The following ADAMTS3 variants were observed in gnomAD, a reference collection of about 807,000 sequenced individuals.
ADAMTS3 encodes the protein A disintegrin and metalloproteinase with thrombospondin motifs 3.
ADAMTS3 carries 73 observed loss-of-function variants against 129.0 expected under a neutral mutation model. The ratio of observed to expected loss-of-function variants is 0.57; its 90% CI spans 0.47 to 0.69. The LOEUF (loss-of-function observed/expected upper bound fraction) is 0.69, where lower values mean the gene tolerates loss of function less well. Ranked by LOEUF, ADAMTS3 falls within the 30% of genes least tolerant of loss-of-function variation. The probability of loss-of-function intolerance (pLI) is 0.00; values close to 1 mark genes in which losing one functional copy is unlikely to be tolerated. For synonymous variants in ADAMTS3, 477 were observed against 510.8 expected, an observed-to-expected ratio of 0.93 and a Z score of 0.89; for missense variants, 1,457 against 1,514.5, an observed-to-expected ratio of 0.96 and a Z score of 0.63.
At chr4:72,355,606 T>C (rs892444138) in intron 4 of ADAMTS3, among the ~76,000 whole-genome samples, 1 of 151,980 alleles carries the variant, frequency 6.6e-6, no homozygotes, top group African/African-American at 2.4e-5. Context: ...TGTGACATCA[T>C]AGTATTCATC....
chr4:72,489,921 A>G (rs564893753), intron 3 of ADAMTS3, among the ~76,000 whole-genome samples: 1 of 151,964 alleles, frequency 6.6e-6, no homozygotes, highest in Non-Finnish European at 1.5e-5. Flanking sequence ...TTTTATTTTT[A>G]ATTTTTTGAG....
Position 72,537,278 on chromosome 4 carries a change from C to T in ADAMTS3, c.504+11200G>A, listed in dbSNP as rs139157400. 2.7e-3 allele frequency among the ~76,000 whole-genome samples: 407 copies of T among 152,312 alleles called. 3 individuals carry two copies. Among genetic ancestry groups the T allele is most frequent in the African/African-American group, 9.5e-3 (396 of 41,556 alleles). ...AAATATCTGGGATCCATGCCCTGAT[C>T]ACTGATGCTTCTGATCATGGAGATT... On this transcript the variant is annotated intron_variant, in intron 3 of 21. Transcript: ENST00000286657.
At chr4:72,345,302 AAAAT>A (rs1167452001) in intron 4 of ADAMTS3, among the ~76,000 whole-genome samples, 1 of 152,124 alleles carries the variant, frequency 6.6e-6, no homozygotes, top group Non-Finnish European at 1.5e-5. Flanking sequence ...ATCAGAGCTA[AAAAT>A]AAGTGTAAAT....
intron 4 of ADAMTS3, among the ~76,000 whole-genome samples, chr4:72,343,781 G>T (rs1720201662): frequency 6.6e-6 from 1 of 152,152 alleles, no homozygotes. Context: ...CCCTGCAAAA[G>T]GTAGAGCAGT....
At chr4:72,310,887 T>C (rs1028649408) in intron 14 of ADAMTS3, among the ~76,000 whole-genome samples, 161 bp downstream of exon 14, 1 of 152,236 alleles carries the variant, frequency 6.6e-6, no homozygotes, top group Admixed American at 6.6e-5. Flanking sequence ...TTTGAGAAAG[T>C]ACAATGTCTC....
chr4:72,384,873 A>C (rs530908361), intron 4 of ADAMTS3, among the ~76,000 whole-genome samples: 1 of 152,324 alleles, frequency 6.6e-6, no homozygotes, highest in East Asian at 1.9e-4. Context: ...TAACTATAGC[A>C]TAAAGAAAAC....
chr4:72,310,095 A>G (rs1037085323), intron 14 of ADAMTS3, among the ~76,000 whole-genome samples: 1 of 152,102 alleles, frequency 6.6e-6, no homozygotes, highest in Admixed American at 6.6e-5. Context: ...ATTTAAACCA[A>G]TGGAAGGTTA....
intron 3 of ADAMTS3, among the ~76,000 whole-genome samples, chr4:72,512,879 G>T (rs1193097623): frequency 1.3e-5 from 2 of 152,052 alleles, no homozygotes; most frequent in East Asian, 3.9e-4. Flanking sequence ...TTCTCCTCCT[G>T]CTCTCCAAAA....
chr4:72,559,126 C>T (rs1011800210), intron 2 of ADAMTS3, among the ~76,000 whole-genome samples: 5 of 151,608 alleles, frequency 3.3e-5, no homozygotes, highest in Non-Finnish European at 1.5e-5. Flanking sequence ...GAGAGAGAGT[C>T]CATGAGAGTA....
chr4:72,339,214 A>G (rs1392699314), intron 5 of ADAMTS3, among the ~76,000 whole-genome samples: 1 of 152,192 alleles, frequency 6.6e-6, no homozygotes, highest in Non-Finnish European at 1.5e-5. Flanking sequence ...ATTACAATTC[A>G]TGTTTTAATT....
chr4:72,290,823 T>C, intron 20 of ADAMTS3, 32 bp downstream of exon 20: 1 of 1,600,650 alleles, frequency 6.2e-7, no homozygotes, highest in Non-Finnish European at 8.6e-7. Flanking sequence ...ACACACACTT[T>C]ACTTATGCAT....
chr4:72,555,379 CTACAG>C (rs1428241131), intron 2 of ADAMTS3, among the ~76,000 whole-genome samples: 3 of 151,798 alleles, frequency 2.0e-5, no homozygotes, highest in Admixed American at 6.5e-5. Context: ...TGCAGCATCA[CTACAG>C]TAGAGGATCA....
intron 3 of ADAMTS3, among the ~76,000 whole-genome samples, chr4:72,446,587 C>T (rs1718259563): frequency 6.6e-6 from 1 of 151,662 alleles, no homozygotes; most frequent in South Asian, 2.1e-4. Flanking sequence ...GATGTTTAAC[C>T]TACACAGGGG....
intron 3 of ADAMTS3, among the ~76,000 whole-genome samples, chr4:72,536,288 C>T (rs904887499): frequency 7.9e-5 from 12 of 152,026 alleles, no homozygotes; most frequent in African/African-American, 2.9e-4. Flanking sequence ...GAGTAACCCT[C>T]AGGGAAGATG....
intron 3 of ADAMTS3, among the ~76,000 whole-genome samples, chr4:72,436,660 G>C (rs915841500): frequency 2.0e-5 from 3 of 152,070 alleles, no homozygotes; most frequent in African/African-American, 7.2e-5. Flanking sequence ...CATACACTAT[G>C]GAATACTATG....
At chr4:72,544,049 A>G (rs897349281) in intron 3 of ADAMTS3, among the ~76,000 whole-genome samples, 1 of 152,108 alleles carries the variant, frequency 6.6e-6, no homozygotes, top group Non-Finnish European at 1.5e-5. Context: ...CAATCAATAC[A>G]TGAGAATTTT....
chr4:72,429,385 C>A (rs1722643522), intron 3 of ADAMTS3, among the ~76,000 whole-genome samples: 2 of 151,934 alleles, frequency 1.3e-5, no homozygotes, highest in African/African-American at 2.4e-5. Flanking sequence ...AAAACGTATT[C>A]TTTCATTCAG....
At chr4:72,307,910 C>G (rs1404977280) in intron 15 of ADAMTS3, among the ~76,000 whole-genome samples, 3 of 151,864 alleles carry the variant, frequency 2.0e-5, no homozygotes, top group Non-Finnish European at 4.4e-5. Flanking sequence ...TGAAAATTTT[C>G]TAATGTTCTT....
chr4:72,479,049 C>T (rs1719340595), intron 3 of ADAMTS3, among the ~76,000 whole-genome samples: 1 of 152,108 alleles, frequency 6.6e-6, no homozygotes, highest in Admixed American at 6.6e-5. Flanking sequence ...AAAGAGGATA[C>T]AAACAAATGG....
Sources: allele counts gnomAD v4.1 joint callset (sites outside exome capture counted in the v4.1 genomes callset), GRCh38; gene constraint gnomAD v4.1.1; transcripts MANE v1.5; gene names NCBI Gene and HGNC (gene_info 2026-07-23, HGNC 2026-07-21).